Variants in MBNL2 observed in about 807,000 individuals in gnomAD.
MBNL2 encodes muscleblind-like protein 2.
MBNL2 carries 17 observed loss-of-function variants against 41.9 expected under a neutral mutation model. That is an observed-to-expected ratio of 0.41 (90% CI 0.28 to 0.61). The LOEUF (loss-of-function observed/expected upper bound fraction) is 0.61. Ranked by LOEUF, MBNL2 falls within the 20% of genes least tolerant of loss-of-function variation. MBNL2 has a pLI of 0.35. For missense variants in MBNL2, 336 were observed against 505.6 expected, an observed-to-expected ratio of 0.66 and a Z score of 3.22; for synonymous variants, 195 against 182.9, an observed-to-expected ratio of 1.07 and a Z score of -0.53.
chr13:97,333,688 C>G (rs2060612294), intron 2 of MBNL2, among the ~76,000 whole-genome samples: 1 of 152,180 alleles, frequency 6.6e-6, no homozygotes, highest in Admixed American at 6.5e-5. Context: ...CTGGAACACA[C>G]ATTTAAAATT....
chr13:97,190,309 C>G, the MBNL2 span, among the ~76,000 whole-genome samples: 62 of 152,314 alleles, frequency 4.1e-4, no homozygotes, highest in African/African-American at 1.4e-3. Context: ...TTATGAAGAC[C>G]AGGATACTGA....
chr13:97,198,725 T>C, the MBNL2 span, among the ~76,000 whole-genome samples: 1 of 152,060 alleles, frequency 6.6e-6, no homozygotes, highest in Non-Finnish European at 1.5e-5. Flanking sequence ...GGAACCATCA[T>C]TGGCTTCTCT....
intron 2 of MBNL2, among the ~76,000 whole-genome samples, chr13:97,320,186 T>TA (rs1209245080): frequency 6.6e-6 from 1 of 151,918 alleles, no homozygotes; most frequent in Admixed American, 6.6e-5. Flanking sequence ...TTTATATTCT[T>TA]ACAGTTGTGG....
the MBNL2 span, among the ~76,000 whole-genome samples, chr13:97,144,088 C>T: frequency 6.6e-6 from 1 of 152,206 alleles, no homozygotes; most frequent in African/African-American, 2.4e-5. Context: ...AAGTAATCTG[C>T]CTTCCTCGGC....
At chr13:97,146,928 A>C in the MBNL2 span, among the ~76,000 whole-genome samples, 1 of 152,178 alleles carries the variant, frequency 6.6e-6, no homozygotes, top group African/African-American at 2.4e-5. Context: ...TGTGAATGGC[A>C]TGGGGGGTTC....
chr13:97,389,565 G>A (rs2066227093), intron 8 of MBNL2, among the ~76,000 whole-genome samples: 1 of 152,054 alleles, frequency 6.6e-6, no homozygotes, highest in Non-Finnish European at 1.5e-5. Context: ...AATTAGGCAG[G>A]CATGGTGGTG....
chr13:97,265,661 G>A (rs146537118), intron 1 of MBNL2, among the ~76,000 whole-genome samples: 222 of 152,128 alleles, frequency 1.5e-3, no homozygotes, highest in African/African-American at 3.7e-3. Flanking sequence ...TTGTGTGTGC[G>A]TGTGTGTGTA....
chr13:97,154,189 T>C, the MBNL2 span, among the ~76,000 whole-genome samples: 1 of 152,176 alleles, frequency 6.6e-6, no homozygotes, highest in Non-Finnish European at 1.5e-5. Context: ...TAAAAGAGAA[T>C]TTGATGTGTA....
intron 1 of MBNL2, among the ~76,000 whole-genome samples, chr13:97,252,102 G>A (rs552087365): frequency 2.2e-4 from 33 of 150,476 alleles, no homozygotes; most frequent in Non-Finnish European, 3.1e-4. Flanking sequence ...CACCCGCCTC[G>A]GCCTCCCAAA....
At chr13:97,212,626 C>A in the MBNL2 span, among the ~76,000 whole-genome samples, 1 of 152,196 alleles carries the variant, frequency 6.6e-6, no homozygotes, top group Non-Finnish European at 1.5e-5. Context: ...AGCTGTGCGA[C>A]CCTGGAAAGG....
At chr13:97,331,352 A>C (rs1289051749) in intron 2 of MBNL2, among the ~76,000 whole-genome samples, 1 of 152,200 alleles carries the variant, frequency 6.6e-6, no homozygotes, top group Non-Finnish European at 1.5e-5. Context: ...AGGTCGAGCC[A>C]AGTTATGAGA....
At chr13:97,267,677 C>T (rs766115508) in intron 1 of MBNL2, among the ~76,000 whole-genome samples, 1 of 152,182 alleles carries the variant, frequency 6.6e-6, no homozygotes, top group Non-Finnish European at 1.5e-5. Flanking sequence ...GGCTATGGGT[C>T]ATTGTCTTTC....
At chr13:97,387,101 A>C (rs533140220) in intron 8 of MBNL2, among the ~76,000 whole-genome samples, 1 of 151,488 alleles carries the variant, frequency 6.6e-6, no homozygotes, top group East Asian at 1.9e-4. Flanking sequence ...TAGATTAGCT[A>C]GAATCTTATT....
In MBNL2 at chr13:97,347,741, CATT is replaced by C. The variant is rs1326539808; in HGVS notation, c.804+677_804+679del. On this transcript the variant is annotated intron_variant, in intron 5 of 8. Transcript: ENST00000679496. ...TCATTAGAGACCAGCAGTACATCATCATTATCATCGCCTGGGAGCCTGCTCAGA... is the reference window on the plus strand; with the variant it reads ...TCATTAGAGACCAGCAGTACATCATCATCATCGCCTGGGAGCCTGCTCAGA... 3.9e-5 allele frequency among the ~76,000 whole-genome samples: 6 copies of C among 152,264 alleles called. No homozygotes were observed. The South Asian group carries it at 1.0e-3, about 26-fold the overall frequency.
Position 97,252,483 on chromosome 13 carries a change from T to C in MBNL2, c.-604-23149T>C, listed in dbSNP as rs2046761283. On this transcript the variant is annotated intron_variant, in intron 1 of 8. Coordinates refer to ENST00000679496, the MANE Select transcript of MBNL2 (RefSeq NM_001382683.1). ...TACAAATTAATTTAGTAAGAACTAA[T>C]ATTTTTAGATGACAAGAATCTACAA... Among the ~76,000 whole-genome samples, 3 of 152,222 alleles carry C rather than the reference T, an allele frequency of 2.0e-5. No homozygotes were observed. In the South Asian group the frequency reaches 6.2e-4, roughly 31 times the overall value.
chr13:97,161,349 G>A, the MBNL2 span, among the ~76,000 whole-genome samples: 3 of 152,190 alleles, frequency 2.0e-5, no homozygotes, highest in Non-Finnish European at 2.9e-5. Context: ...AAATTTTTTT[G>A]CAGCTACATT....
intron 8 of MBNL2, among the ~76,000 whole-genome samples, chr13:97,373,625 T>TATATA (rs1287135685): frequency 1.3e-5 from 2 of 150,150 alleles, no homozygotes; most frequent in Non-Finnish European, 3.0e-5. Flanking sequence ...TATATATATA[T>TATATA]TAAGGGTAGG....
chr13:97,190,673 T>G, the MBNL2 span, among the ~76,000 whole-genome samples: 2 of 152,344 alleles, frequency 1.3e-5, no homozygotes, highest in African/African-American at 4.8e-5. Flanking sequence ...ACCTGTCTTT[T>G]GCATAGTCAA....
At chr13:97,283,379 C>T (rs2053808677) in intron 2 of MBNL2, among the ~76,000 whole-genome samples, 1 of 152,178 alleles carries the variant, frequency 6.6e-6, no homozygotes, top group Admixed American at 6.5e-5. Flanking sequence ...GGCCCATTGT[C>T]ACCTCCAGTG....
Sources: allele counts gnomAD v4.1 joint callset (sites outside exome capture counted in the v4.1 genomes callset), GRCh38; gene constraint gnomAD v4.1.1; transcripts MANE v1.5; gene names NCBI Gene and HGNC (gene_info 2026-07-23, HGNC 2026-07-21).